Variants in ZZEF1 observed in about 807,000 individuals in gnomAD.
ZZEF1 encodes the protein zinc finger ZZ-type and EF-hand domain-containing protein 1.
In ZZEF1, 157 loss-of-function variants were observed where a neutral mutation model predicts 342.8. The ratio of observed to expected loss-of-function variants is 0.46; its 90% confidence interval spans 0.40 to 0.52. The LOEUF is 0.52. Ranked by LOEUF, ZZEF1 falls within the 20% of genes least tolerant of loss-of-function variation. The pLI is 0.00. For synonymous variants in ZZEF1, 1,505 were observed against 1,429.1 expected, an observed-to-expected ratio of 1.05 and a Z score of -1.20; for missense variants, 3,480 against 3,725.6, an observed-to-expected ratio of 0.93 and a Z score of 1.72.
chr17:4,112,296 C>T (rs1189661410), intron 5 of ZZEF1, among the ~76,000 whole-genome samples: 1 of 150,890 alleles, frequency 6.6e-6, no homozygotes, highest in Non-Finnish European at 1.5e-5. Flanking sequence ...CAGGTACCCA[C>T]CCCCACGCCT....
chr17:4,130,557 G>A (rs1282147267), intron 1 of ZZEF1, among the ~76,000 whole-genome samples: 1 of 152,110 alleles, frequency 6.6e-6, no homozygotes, highest in Non-Finnish European at 1.5e-5. Context: ...AGACCGAAGT[G>A]CCCATGAAGT....
chr17:4,086,802 T>C lies in ZZEF1; in HGVS notation c.2343-147A>G, dbSNP rs974844796. ...TGATGCAAACTGAGAGGAAGAAGGG[T>C]GGACCAGAAAGAACACTGTACTAAA... On this transcript the variant is annotated intron_variant, in intron 14 of 54. Coordinates refer to ENST00000381638, the MANE Select transcript of ZZEF1 (RefSeq NM_015113.4). The C allele has an allele frequency of 1.1e-4, 79 of 732,886 alleles. 1 individual carries two copies. In the African/African-American group the frequency reaches 1.3e-3, roughly 12 times the overall value. The allele number at this position is 732,886 out of a possible 1,614,324, so 45.4% of individuals were successfully genotyped here. A position where few individuals can be genotyped will look rare whatever the true frequency, so the allele number is the denominator to read the frequency against.
At chr17:4,069,819 A>C (rs919055839) in intron 26 of ZZEF1, among the ~76,000 whole-genome samples, 5 of 152,114 alleles carry the variant, frequency 3.3e-5, no homozygotes, top group Non-Finnish European at 7.4e-5. Context: ...TGACAGAGTG[A>C]GACTCCGTCT....
In ZZEF1 at chr17:4,105,798, C is replaced by A; in HGVS notation, c.1289G>T (p.Arg430Leu). ...TVLHNTQKALRHMPPLSLSPG... is the reference protein window; with the variant it reads ...TVLHNTQKALLHMPPLSLSPG... ...TGAGAGAGAGAGTGGAGGCATGTGC[C>A]GCAGCGCCTTCCTAGAAGAGGAAAA... The change falls in exon 7 of 55, where the codon CGG (arginine) becomes CTG (leucine). Residue 430 changes from arginine (R) to leucine (L), a missense_variant. Physicochemically the swap from Arg to Leu is moderately radical, Grantham distance 102. Transcript: ENST00000381638. 6.2e-7 allele frequency: 1 copy of A among 1,606,466 alleles called. No individual in the cohort carries two copies.
intron 10 of ZZEF1, 145 bp from the exon 11 acceptor site, chr17:4,096,124 A>G: frequency 1.1e-6 from 1 of 917,834 alleles, no homozygotes; most frequent in South Asian, 2.3e-5. Context: ...TCAAAAAATA[A>G]GAAAGCTGTT....
At chr17:4,037,572 ATTCTTT>A (rs988034420) in intron 39 of ZZEF1, among the ~76,000 whole-genome samples, 9 of 152,150 alleles carry the variant, frequency 5.9e-5, no homozygotes, top group African/African-American at 1.9e-4. Context: ...CTACACGTTC[ATTCTTT>A]TTCTTTTTCT....
intron 5 of ZZEF1, among the ~76,000 whole-genome samples, chr17:4,111,660 A>AAAAAAAAAAAAAAG (rs2058302504): frequency 6.8e-6 from 1 of 146,802 alleles, no homozygotes; most frequent in South Asian, 2.1e-4. Flanking sequence ...CTCTGTCTCA[A>AAAAAAAAAAAAAAG]AAAAAAAATA....
intron 14 of ZZEF1, 130 bp downstream of exon 14, chr17:4,087,304 T>A (rs759234104): frequency 1.9e-5 from 12 of 645,234 alleles, no homozygotes; most frequent in Non-Finnish European, 3.2e-5. Context: ...ATAATAACCA[T>A]ATATTTTAAA....
At chr17:4,096,339 C>T (rs2058033194) in intron 10 of ZZEF1, among the ~76,000 whole-genome samples, 1 of 150,844 alleles carries the variant, frequency 6.6e-6, no homozygotes, top group Admixed American at 6.6e-5. Flanking sequence ...ATGACGTGGA[C>T]TTCTGAAATG....
Position 4,135,282 on chromosome 17 carries a change from C to G in ZZEF1, c.354+7260G>C, listed in dbSNP as rs559266192. 1.6e-4 allele frequency among the ~76,000 whole-genome samples: 24 copies of G among 152,260 alleles called. 1 individual carries two copies. The highest frequency in any genetic ancestry group is 1.1e-3 in the Admixed American group (17 of 15,280). On this transcript the variant is annotated intron_variant, in intron 1 of 54. Transcript: ENST00000381638. The stretch of plus-strand genomic sequence containing the variant: ...CTTGAGCCCAGGAGCTCAAGACCAG[C>G]CTGGGTAACATGATGAAACCCCATC...
chr17:4,133,487 C>T (rs1204713302), intron 1 of ZZEF1, among the ~76,000 whole-genome samples: 3 of 152,138 alleles, frequency 2.0e-5, no homozygotes, highest in Non-Finnish European at 4.4e-5. Flanking sequence ...CCATTACTTT[C>T]CTCCATCTAT....
At chr17:4,112,325 T>C (rs1415580896) in intron 5 of ZZEF1, among the ~76,000 whole-genome samples, 1 of 151,502 alleles carries the variant, frequency 6.6e-6, no homozygotes, top group Non-Finnish European at 1.5e-5. Context: ...TTTGTATTTT[T>C]AGTAGAGACA....
At chr17:4,098,528 T>C (rs2058077111) in intron 9 of ZZEF1, among the ~76,000 whole-genome samples, 1 of 152,250 alleles carries the variant, frequency 6.6e-6, no homozygotes, top group Non-Finnish European at 1.5e-5. Context: ...GTAATTATCC[T>C]TTAACAACTC....
rs1229878398 is a variant in ZZEF1, at chr17:4,112,094, G to A, written c.1066+515C>T. On this transcript the variant is annotated intron_variant, in intron 5 of 54. Coordinates refer to ENST00000381638, the MANE Select transcript of ZZEF1 (RefSeq NM_015113.4). ...TATATATATATATATATATATATAT[G>A]TTTTGTTTTGTTTTTAATGAAAAAA... is the stretch of plus-strand genomic sequence containing the variant. 2.5e-3 allele frequency among the ~76,000 whole-genome samples: 87 copies of A among 35,316 alleles called. 1 individual carries two copies. Among genetic ancestry groups the A allele is most frequent in the Non-Finnish European group, 3.2e-3 (58 of 18,270 alleles). The allele number at this position is 35,316 out of a possible 152,430, so 23.2% of individuals were successfully genotyped here.
intron 37 of ZZEF1, 35 bp downstream of exon 37, chr17:4,049,673 C>T (rs573780423): frequency 1.2e-6 from 2 of 1,612,780 alleles, no homozygotes; most frequent in Admixed American, 1.7e-5. Context: ...TAGAGTTCAA[C>T]CTGTGATTCT....
intron 1 of ZZEF1, among the ~76,000 whole-genome samples, chr17:4,133,515 C>T (rs2058701994): frequency 1.3e-5 from 2 of 152,116 alleles, no homozygotes; most frequent in South Asian, 4.1e-4. Flanking sequence ...GCTTTCCGCT[C>T]CTTTTGTCCA....
intron 1 of ZZEF1, among the ~76,000 whole-genome samples, chr17:4,140,968 G>A (rs2058835500): frequency 6.6e-6 from 1 of 151,266 alleles, no homozygotes; most frequent in Non-Finnish European, 1.5e-5. Flanking sequence ...GAATGCAGTG[G>A]CGTGATCTCA....
rs2056820202 is a variant in ZZEF1, at chr17:4,042,327, G to T, written c.6306+102C>A. On this transcript the variant is annotated intron_variant, in intron 39 of 54. Coordinates refer to ENST00000381638, the MANE Select transcript of ZZEF1 (RefSeq NM_015113.4). ...TTATAACTTCTAATCCTACCCTTAA[G>T]GCTACAGAGATGATTGTCATCATTT... is the stretch of plus-strand genomic sequence containing the variant. The T allele has an allele frequency of 3.9e-6, 5 of 1,281,394 alleles. No individual in the cohort carries two copies. In the South Asian group the frequency reaches 5.9e-5, roughly 15 times the overall value. 79.4% of individuals were successfully genotyped at this position (1,281,394 alleles called of 1,614,324 possible).
At position 4,034,066 on chromosome 17, in the gene ZZEF1, C is replaced by T. The variant is rs774133624; in HGVS notation, c.6533G>A (p.Gly2178Asp). 2.5e-6 allele frequency: 4 copies of T among 1,614,066 alleles called. No homozygotes were observed. The highest frequency in any genetic ancestry group is 3.3e-5 in the Admixed American group (2 of 60,004). Residue 2178 changes from glycine to aspartate, a missense_variant, in exon 40 of 55, where the codon GGC (glycine) becomes GAC (aspartate). This residue lies in a region of ZZEF1 where 1,269 missense variants were observed against 1,342.4 expected (regional missense o/e 0.95). Coordinates refer to ENST00000381638, the MANE Select transcript of ZZEF1 (RefSeq NM_015113.4). ...AAGDSSIVPDGWKTTHLLFSL... is the reference protein window; with the variant it reads ...AAGDSSIVPDDWKTTHLLFSL... ...AAAGAGCAGGTGGGTGGTTTTCCAG[C>T]CATCTGGCACAATGGAACTGTCCCC...
Sources: gnomAD v4.1 joint callset for allele counts (sites outside exome capture counted in the v4.1 genomes callset) on GRCh38, gnomAD v4.1.1 for gene constraint, gnomAD v4.1.1 regional missense constraint, MANE v1.5 for transcripts, NCBI Gene and HGNC (gene_info 2026-07-23, HGNC 2026-07-21) for gene names.